The following ESRRG variants were observed in gnomAD, a reference collection of about 807,000 sequenced individuals.
ESRRG encodes the protein estrogen-related receptor gamma.
ESRRG carries 13 observed loss-of-function variants against 44.0 expected under a neutral mutation model. The ratio of observed to expected loss-of-function variants is 0.30; its 90% confidence interval spans 0.19 to 0.47. The LOEUF (loss-of-function observed/expected upper bound fraction) is 0.47, where lower values mean the gene tolerates loss of function less well. Ranked by LOEUF, ESRRG falls within the 20% of genes least tolerant of loss-of-function variation. ESRRG has a pLI of 1.00. For synonymous variants in ESRRG, 215 were observed against 214.6 expected (o/e 1.00, Z -0.02); for missense variants, 395 against 580.6 (o/e 0.68, Z 3.29).
intron 1 of ESRRG, among the ~76,000 whole-genome samples, chr1:216,953,226 C>G (rs549931367): frequency 1.3e-5 from 2 of 152,214 alleles, no homozygotes; most frequent in East Asian, 3.9e-4. Context: ...CAATTTTAGC[C>G]TTATAATCAA....
At chr1:217,020,985 A>G (rs1370603413) in intron 1 of ESRRG, among the ~76,000 whole-genome samples, 3 of 151,714 alleles carry the variant, frequency 2.0e-5, no homozygotes, top group Non-Finnish European at 4.4e-5. Flanking sequence ...CAGGGTTTTC[A>G]AAGCAAGGAA....
chr1:216,507,551 T>C (rs1192248718), intron 6 of ESRRG, among the ~76,000 whole-genome samples: 1 of 152,190 alleles, frequency 6.6e-6, no homozygotes, highest in African/African-American at 2.4e-5. Context: ...AGGCCATCTA[T>C]TGAAAGTATT....
chr1:216,746,091 A>T (rs1203642414), intron 2 of ESRRG, among the ~76,000 whole-genome samples: 1 of 152,222 alleles, frequency 6.6e-6, no homozygotes, highest in African/African-American at 2.4e-5. Flanking sequence ...GCCTTCTTTT[A>T]TTGTGCAATT....
chr1:216,707,378 AG>A (rs1250187619), intron 1 of ESRRG: 1 of 1,535,980 alleles, frequency 6.5e-7, no homozygotes, highest in Non-Finnish European at 8.7e-7. Context: ...GAAGGAACAC[AG>A]GCCAGATCAG....
intron 3 of ESRRG, among the ~76,000 whole-genome samples, chr1:216,614,895 C>G (rs569455945): frequency 2.0e-5 from 3 of 152,290 alleles, no homozygotes; most frequent in African/African-American, 7.2e-5. Context: ...TTAAAAAATA[C>G]TGACTATGGG....
At chr1:216,991,887 T>G (rs1342964681) in intron 1 of ESRRG, among the ~76,000 whole-genome samples, 1 of 152,236 alleles carries the variant, frequency 6.6e-6, no homozygotes, top group Non-Finnish European at 1.5e-5. Flanking sequence ...CCACTAAATG[T>G]GCAACATATG....
chr1:216,809,872 C>T (rs916538434), intron 2 of ESRRG, among the ~76,000 whole-genome samples: 1 of 152,120 alleles, frequency 6.6e-6, no homozygotes, highest in Non-Finnish European at 1.5e-5. Context: ...GCACTTGGCT[C>T]GCCTCTACCA....
intron 2 of ESRRG, among the ~76,000 whole-genome samples, chr1:216,757,524 A>C (rs1409959793): frequency 6.6e-6 from 1 of 152,048 alleles, no homozygotes; most frequent in Non-Finnish European, 1.5e-5. Flanking sequence ...TTTTAGCTAG[A>C]CCAAAATAAT....
At chr1:216,844,211 C>T (rs970117205) in intron 2 of ESRRG, among the ~76,000 whole-genome samples, 1 of 152,044 alleles carries the variant, frequency 6.6e-6, no homozygotes, top group Non-Finnish European at 1.5e-5. Flanking sequence ...GATCCAGATC[C>T]TCCCTAAACC....
chr1:216,784,255 T>G (rs1026549300), intron 2 of ESRRG, among the ~76,000 whole-genome samples: 1 of 152,062 alleles, frequency 6.6e-6, no homozygotes, highest in Non-Finnish European at 1.5e-5. Flanking sequence ...TCTCCTAAAG[T>G]GTTTAAAATA....
chr1:217,076,684 G>T (rs920958668), intron 1 of ESRRG, among the ~76,000 whole-genome samples: 5 of 151,916 alleles, frequency 3.3e-5, no homozygotes, highest in Non-Finnish European at 7.4e-5. Context: ...CTGGAGACAG[G>T]GAGAGAGAGA....
intron 2 of ESRRG, among the ~76,000 whole-genome samples, chr1:216,773,790 T>A (rs2093479535): frequency 6.6e-6 from 1 of 152,070 alleles, no homozygotes. Flanking sequence ...AAGGTATTAA[T>A]AGGATCATGC....
chr1:216,816,551 T>G (rs1203509765), intron 2 of ESRRG, among the ~76,000 whole-genome samples: 2 of 152,158 alleles, frequency 1.3e-5, no homozygotes, highest in Non-Finnish European at 2.9e-5. Flanking sequence ...AGAATCACAC[T>G]CTAAGAAACA....
chr1:216,996,050 G>A (rs1451152591), intron 1 of ESRRG, among the ~76,000 whole-genome samples: 1 of 152,048 alleles, frequency 6.6e-6, no homozygotes, highest in East Asian at 1.9e-4. Context: ...AAAAATTAAG[G>A]GCAGTTTATC....
At chr1:216,746,779 A>G (rs1321539864) in intron 2 of ESRRG, among the ~76,000 whole-genome samples, 1 of 152,200 alleles carries the variant, frequency 6.6e-6, no homozygotes, top group African/African-American at 2.4e-5. Context: ...CTAAATAAAC[A>G]AAGACTGGTC....
intron 5 of ESRRG, among the ~76,000 whole-genome samples, chr1:216,552,593 T>A (rs538719039): frequency 6.6e-6 from 1 of 152,308 alleles, no homozygotes; most frequent in African/African-American, 2.4e-5. Flanking sequence ...CCCCAACTTA[T>A]ATATGGGCAT....
At chr1:216,944,127 T>G (rs979041119) in intron 1 of ESRRG, among the ~76,000 whole-genome samples, 1 of 152,156 alleles carries the variant, frequency 6.6e-6, no homozygotes, top group Non-Finnish European at 1.5e-5. Flanking sequence ...CTCCCTCCAG[T>G]TAAACTGAGG....
intron 2 of ESRRG, among the ~76,000 whole-genome samples, chr1:216,753,995 G>A (rs1449988598): frequency 6.6e-6 from 1 of 152,046 alleles, no homozygotes; most frequent in African/African-American, 2.4e-5. Flanking sequence ...TATCAACTCT[G>A]TGTGGCATTT....
At chr1:217,106,358 C>G (rs1241253134) in intron 1 of ESRRG, among the ~76,000 whole-genome samples, 1 of 151,142 alleles carries the variant, frequency 6.6e-6, no homozygotes, top group Non-Finnish European at 1.5e-5. Flanking sequence ...CTCGTTTATA[C>G]CACACACATA....
Sources: allele counts gnomAD v4.1 joint callset (sites outside exome capture counted in the v4.1 genomes callset), GRCh38; gene constraint gnomAD v4.1.1; transcripts MANE v1.5; gene names NCBI Gene and HGNC (gene_info 2026-07-23, HGNC 2026-07-21).